Variants in NAV2 observed in about 807,000 individuals in gnomAD.
The protein encoded by NAV2 is neuron navigator 2, also known as helicase, APC down-regulated 1.
Under a neutral mutation model 223.2 loss-of-function variants are expected in NAV2, and 54 were observed. The ratio of observed to expected loss-of-function variants is 0.24; its 90% CI spans 0.19 to 0.30. NAV2 has a LOEUF of 0.30. Among genes scored for constraint, NAV2 ranks in the 10% least tolerant of loss-of-function variants. The pLI is 1.00. For missense variants in NAV2, 2,806 were observed against 3,147.5 expected (o/e 0.89, Z 2.60); for synonymous variants, 1,279 against 1,239.3 (o/e 1.03, Z -0.67).
chr11:20,119,114 A>G lies in NAV2; in HGVS notation c.*856A>G, dbSNP rs964363736. The G allele has an allele frequency of 1.0e-4, 15 of 144,280 alleles. No individual in the cohort carries two copies. The highest frequency in any genetic ancestry group is 9.1e-4 in the Admixed American group (13 of 14,344). 8.9% of individuals were successfully genotyped at this position (144,280 alleles called of 1,614,324 possible). A position where few individuals can be genotyped will look rare whatever the true frequency, so the allele number is the denominator to read the frequency against. Reference sequence around the variant, plus strand: ...CACTGTGTATAGTGAGACTTGTTCTACTTTGGAGAACAGGTTACCTTTTGA... The same window carrying G: ...CACTGTGTATAGTGAGACTTGTTCTGCTTTGGAGAACAGGTTACCTTTTGA... On this transcript the variant is annotated 3_prime_UTR_variant, in exon 38 of 38. Coordinates refer to ENST00000349880, the MANE Select transcript of NAV2 (RefSeq NM_145117.5).
intron 1 of NAV2, among the ~76,000 whole-genome samples, chr11:19,813,448 T>C (rs899448229): frequency 2.0e-5 from 3 of 152,178 alleles, no homozygotes; most frequent in Admixed American, 2.0e-4. Flanking sequence ...GAAACAGTGA[T>C]TTATTTCCCC....
chr11:19,552,472 G>A (rs1309462888), intron 1 of NAV2, among the ~76,000 whole-genome samples: 1 of 152,092 alleles, frequency 6.6e-6, no homozygotes, highest in Non-Finnish European at 1.5e-5. Flanking sequence ...GTGGCCACGG[G>A]CACAGGAGCC....
intron 11 of NAV2, among the ~76,000 whole-genome samples, chr11:20,026,871 G>C (rs1489049960): frequency 6.6e-6 from 1 of 152,164 alleles, no homozygotes. Flanking sequence ...TTATCTAACA[G>C]TAACTGGGAG....
intron 6 of NAV2, among the ~76,000 whole-genome samples, chr11:19,922,396 A>G (rs2044355498): frequency 6.6e-6 from 1 of 151,054 alleles, no homozygotes; most frequent in South Asian, 2.1e-4. Context: ...CATTTTGGCC[A>G]CTCTTCCTTG....
intron 1 of NAV2, among the ~76,000 whole-genome samples, chr11:19,372,935 A>G (rs1466418132): frequency 6.6e-6 from 1 of 152,200 alleles, no homozygotes; most frequent in Non-Finnish European, 1.5e-5. Flanking sequence ...TCCAGTCTTC[A>G]CTGATTTCTC....
At chr11:19,945,082 T>G in intron 8 of NAV2, among the ~76,000 whole-genome samples, 1 of 140,618 alleles carries the variant, frequency 7.1e-6, no homozygotes, top group Non-Finnish European at 1.5e-5. Context: ...CCTTTTCTTT[T>G]CTCTTTTCTT....
At chr11:19,781,878 A>G (rs921240078) in intron 1 of NAV2, among the ~76,000 whole-genome samples, 10 of 152,194 alleles carry the variant, frequency 6.6e-5, no homozygotes, top group African/African-American at 1.9e-4. Flanking sequence ...GATTCCCACT[A>G]TCAAACTAAT....
At chr11:20,043,581 A>T (rs2057154247) in intron 12 of NAV2, among the ~76,000 whole-genome samples, 1 of 152,082 alleles carries the variant, frequency 6.6e-6, no homozygotes, top group South Asian at 2.1e-4. Context: ...GGGTAGAACT[A>T]TAGGCGTGTG....
intron 1 of NAV2, among the ~76,000 whole-genome samples, chr11:19,622,181 T>G (rs2047018437): frequency 6.6e-6 from 1 of 152,214 alleles, no homozygotes; most frequent in South Asian, 2.1e-4. Context: ...TCCAACTACG[T>G]GGTCAATTTT....
At chr11:19,659,123 T>C (rs1023801421) in intron 1 of NAV2, among the ~76,000 whole-genome samples, 2 of 152,200 alleles carry the variant, frequency 1.3e-5, no homozygotes, top group African/African-American at 4.8e-5. Flanking sequence ...AAGTGTACAA[T>C]TTCAAGTTGT....
At chr11:19,479,289 C>T (rs1420011165) in intron 1 of NAV2, among the ~76,000 whole-genome samples, 1 of 152,148 alleles carries the variant, frequency 6.6e-6, no homozygotes, top group Non-Finnish European at 1.5e-5. Context: ...AGTTTTCCCC[C>T]TCCTCAACTC....
chr11:19,744,885 G>A (rs2053206693), intron 1 of NAV2, among the ~76,000 whole-genome samples: 1 of 152,036 alleles, frequency 6.6e-6, no homozygotes, highest in African/African-American at 2.4e-5. Context: ...TTGTCCTCCT[G>A]GTAGGCATTT....
At chr11:19,465,823 A>G (rs964509841) in intron 1 of NAV2, among the ~76,000 whole-genome samples, 3 of 152,240 alleles carry the variant, frequency 2.0e-5, no homozygotes, top group African/African-American at 7.2e-5. Flanking sequence ...GCACAGTTCA[A>G]ATTCAGCTGT....
At chr11:19,609,011 G>A (rs1218936296) in intron 1 of NAV2, among the ~76,000 whole-genome samples, 1 of 152,010 alleles carries the variant, frequency 6.6e-6, no homozygotes, top group African/African-American at 2.4e-5. Context: ...CATCTTTAAG[G>A]TCCCTTGTGA....
chr11:19,609,462 G>A (rs538033758), intron 1 of NAV2, among the ~76,000 whole-genome samples: 1 of 152,154 alleles, frequency 6.6e-6, no homozygotes, highest in African/African-American at 2.4e-5. Context: ...GGGAAGAAGA[G>A]CAGGTGAAGG....
At chr11:20,064,102 T>C (rs895837098) in intron 20 of NAV2, among the ~76,000 whole-genome samples, 2 of 152,164 alleles carry the variant, frequency 1.3e-5, no homozygotes, top group African/African-American at 4.8e-5. Flanking sequence ...AGAGTAACCT[T>C]GGAGAGAGGT....
At chr11:19,743,070 G>A (rs1165888307) in intron 1 of NAV2, among the ~76,000 whole-genome samples, 1 of 152,234 alleles carries the variant, frequency 6.6e-6, no homozygotes, top group Non-Finnish European at 1.5e-5. Flanking sequence ...CACTGTGAGA[G>A]TTGTGTAGCC....
intron 11 of NAV2, among the ~76,000 whole-genome samples, chr11:20,033,297 T>C (rs2055974501): frequency 6.6e-6 from 1 of 152,222 alleles, no homozygotes; most frequent in Non-Finnish European, 1.5e-5. Context: ...AAGCACTTAG[T>C]TGTTATCGCT....
At chr11:19,879,488 T>C (rs1030277157) in intron 4 of NAV2, among the ~76,000 whole-genome samples, 3 of 152,074 alleles carry the variant, frequency 2.0e-5, no homozygotes, top group Admixed American at 1.3e-4. Context: ...GCTTAGAACA[T>C]GGACTTGGCA....
Sources: gnomAD v4.1 joint callset for allele counts (sites outside exome capture counted in the v4.1 genomes callset) on GRCh38, gnomAD v4.1.1 for gene constraint, MANE v1.5 for transcripts, NCBI Gene and HGNC (gene_info 2026-07-23, HGNC 2026-07-21) for gene names.